The following SPATS2 variants were observed in gnomAD, a reference collection of about 807,000 sequenced individuals.
SPATS2 encodes the protein spermatogenesis-associated serine-rich protein 2.
A neutral mutation model predicts 63.7 loss-of-function variants in SPATS2; 38 were observed. That is an observed-to-expected ratio of 0.60 (90% CI 0.46 to 0.78). SPATS2 has a LOEUF of 0.78. Ranked by LOEUF, SPATS2 falls within the 30% of genes least tolerant of loss-of-function variation. The pLI, the probability that SPATS2 is intolerant of heterozygous loss-of-function variation, is 0.00. For synonymous variants in SPATS2, 207 were observed against 232.9 expected (o/e 0.89, Z 1.01); for missense variants, 588 against 666.2 (o/e 0.88, Z 1.29).
At position 49,444,045 on chromosome 12, in the gene SPATS2, AC is replaced by A. The variant is rs377384345; in HGVS notation, c.-243-16724del. Among the ~76,000 whole-genome samples the A allele has an allele frequency of 4.7e-4, 71 of 152,350 alleles. No homozygotes were observed. In the South Asian group the frequency reaches 0.012, roughly 26 times the overall value. ...CTGAAATTTTAATAGGGACTGTATTACGCTTATAAATTAAATTGGGAGAATA... is the reference window on the plus strand; with the variant it reads ...CTGAAATTTTAATAGGGACTGTATTAGCTTATAAATTAAATTGGGAGAATA... On this transcript the variant is annotated intron_variant, in intron 2 of 13. Coordinates refer to ENST00000552918, the MANE Select transcript of SPATS2 (RefSeq NM_023071.4).
intron 2 of SPATS2, chr12:49,389,861 C>A: frequency 1.2e-6 from 1 of 843,014 alleles, no homozygotes; most frequent in Non-Finnish European, 2.1e-6. Context: ...TAATGGCTAG[C>A]AAAAAAGATG....
At chr12:49,437,584 C>T (rs1479154680) in intron 2 of SPATS2, among the ~76,000 whole-genome samples, 22 of 151,966 alleles carry the variant, frequency 1.4e-4, no homozygotes, top group Admixed American at 1.0e-3. Context: ...CCCGGCACCT[C>T]GGGAGGCCAA....
In SPATS2 at chr12:49,380,881, C is replaced by CT. The variant is rs773377635; in HGVS notation, c.-244+9606dup. ...GGAATTGCTGGGTCATATAGTAATT[C>CT]TTTTTTTTTTTTTTTCCTCAAAAGC... is the stretch of plus-strand genomic sequence containing the variant. On this transcript the variant is annotated intron_variant, in intron 2 of 13. Transcript: ENST00000552918. 6.7e-3 allele frequency among the ~76,000 whole-genome samples: 917 copies of CT among 136,132 alleles called. 25 individuals are homozygous for CT. In the East Asian group the frequency reaches 0.098, roughly 15 times the overall value. The allele number at this position is 136,132 out of a possible 152,430, so 89.3% of individuals were successfully genotyped here. A position where few individuals can be genotyped will look rare whatever the true frequency, so the allele number is the denominator to read the frequency against.
chr12:49,435,572 C>G (rs532025970), intron 2 of SPATS2, among the ~76,000 whole-genome samples: 1 of 146,148 alleles, frequency 6.8e-6, no homozygotes, highest in African/African-American at 2.5e-5. Context: ...GTGATCCGCC[C>G]GCCTCAGCCT....
intron 2 of SPATS2, among the ~76,000 whole-genome samples, chr12:49,447,922 G>C (rs1945544590): frequency 6.6e-6 from 1 of 151,602 alleles, no homozygotes; most frequent in Non-Finnish European, 1.5e-5. Flanking sequence ...CTTTTCTCTA[G>C]TGTTTTTCCA....
intron 2 of SPATS2, among the ~76,000 whole-genome samples, chr12:49,421,269 T>G (rs1944976598): frequency 6.6e-6 from 1 of 151,696 alleles, no homozygotes; most frequent in Non-Finnish European, 1.5e-5. Context: ...AATACAAAAA[T>G]TAGCTGGGCA....
chr12:49,434,849 T>C (rs1945245372), intron 2 of SPATS2, among the ~76,000 whole-genome samples: 1 of 152,160 alleles, frequency 6.6e-6, no homozygotes, highest in South Asian at 2.1e-4. Flanking sequence ...AGTAACAAAT[T>C]TATATAAAAA....
chr12:49,417,904 C>T (rs1944914630), intron 2 of SPATS2, among the ~76,000 whole-genome samples: 1 of 151,982 alleles, frequency 6.6e-6, no homozygotes, highest in Non-Finnish European at 1.5e-5. Flanking sequence ...ATTTAGAGAC[C>T]ATGTCTTGTT....
At chr12:49,512,661 T>C (rs951754682) in intron 9 of SPATS2, among the ~76,000 whole-genome samples, 4 of 152,242 alleles carry the variant, frequency 2.6e-5, no homozygotes, top group South Asian at 2.1e-4. Flanking sequence ...CTTCTCATAA[T>C]AGATTGTAAG....
At chr12:49,478,483 A>G (rs1198805257) in intron 3 of SPATS2, among the ~76,000 whole-genome samples, 2 of 152,312 alleles carry the variant, frequency 1.3e-5, no homozygotes, top group African/African-American at 4.8e-5. Flanking sequence ...AGACAAAGCA[A>G]TTCCAAGCAA....
chr12:49,473,245 A>G (rs1371217911), intron 3 of SPATS2, among the ~76,000 whole-genome samples: 13 of 152,030 alleles, frequency 8.6e-5, no homozygotes, highest in African/African-American at 2.9e-4. Context: ...CAAAAAACCC[A>G]TCTCTACTAA....
intron 13 of SPATS2, among the ~76,000 whole-genome samples, chr12:49,525,489 T>C (rs1371603520): frequency 6.6e-6 from 1 of 152,222 alleles, no homozygotes; most frequent in African/African-American, 2.4e-5. Flanking sequence ...GCGAAAGATG[T>C]GCTGAATGCC....
rs186611326 is a variant in SPATS2 at position 49,375,896 on chromosome 12, C to A, written c.-244+4606C>A. On this transcript the variant is annotated intron_variant, in intron 2 of 13. Coordinates refer to ENST00000552918, the MANE Select transcript of SPATS2 (RefSeq NM_023071.4). ...CAATCTTGGCTTACTGCAACCTCCACCTCCCAGGGCTTAAGTGATCCTCCT... is the reference window on the plus strand; with the variant it reads ...CAATCTTGGCTTACTGCAACCTCCAACTCCCAGGGCTTAAGTGATCCTCCT... 7.2e-5 allele frequency among the ~76,000 whole-genome samples: 11 copies of A among 152,000 alleles called. No homozygotes were observed. In the East Asian group the frequency reaches 2.1e-3, roughly 29 times the overall value.
chr12:49,436,795 C>T (rs1205952933), intron 2 of SPATS2, among the ~76,000 whole-genome samples: 11 of 140,938 alleles, frequency 7.8e-5, no homozygotes, highest in Admixed American at 6.2e-4. Flanking sequence ...TCCTCACTTC[C>T]CAGTAGGGGC....
chr12:49,500,635 G>A (rs1422079002), intron 9 of SPATS2, among the ~76,000 whole-genome samples: 1 of 152,078 alleles, frequency 6.6e-6, no homozygotes, highest in African/African-American at 2.4e-5. Flanking sequence ...AGCTGGGTGT[G>A]GTGGCGCGCG....
At chr12:49,404,135 A>G (rs531949522) in intron 2 of SPATS2, among the ~76,000 whole-genome samples, 3 of 152,314 alleles carry the variant, frequency 2.0e-5, no homozygotes, top group African/African-American at 7.2e-5. Flanking sequence ...AGGGAAGACA[A>G]TTAAACCAGA....
chr12:49,409,022 G>A, intron 2 of SPATS2, among the ~76,000 whole-genome samples: 1 of 125,660 alleles, frequency 8.0e-6, no homozygotes, highest in Admixed American at 7.5e-5. Flanking sequence ...TTATGCTAAA[G>A]TTGGACAGAT....
At chr12:49,494,653 A>C in intron 6 of SPATS2, 88 bp from the exon 7 acceptor site, 2 of 1,282,768 alleles carry the variant, frequency 1.6e-6, no homozygotes, top group Non-Finnish European at 2.1e-6. Context: ...AACATTGGTT[A>C]CCTTTGGGTA....
chr12:49,523,874 C>T (rs1359644020), intron 12 of SPATS2, among the ~76,000 whole-genome samples: 3 of 151,882 alleles, frequency 2.0e-5, no homozygotes, highest in Non-Finnish European at 4.4e-5. Context: ...ATGGCGTGAA[C>T]TCAGGAGGCG....
Sources: allele counts gnomAD v4.1 joint callset (sites outside exome capture counted in the v4.1 genomes callset), GRCh38; gene constraint gnomAD v4.1.1; transcripts MANE v1.5; gene names NCBI Gene and HGNC (gene_info 2026-07-23, HGNC 2026-07-21).